The following VTI1A variants were observed in gnomAD, a reference collection of about 807,000 sequenced individuals.
VTI1A encodes the protein vesicle transport through interaction with t-SNAREs 1A.
Under a neutral mutation model 34.9 loss-of-function variants are expected in VTI1A, and 22 were observed. The observed-to-expected ratio is 0.63, with a 90% confidence interval of 0.45 to 0.90. The LOEUF (loss-of-function observed/expected upper bound fraction) is 0.90. Ranked by LOEUF, VTI1A falls within the 40% of genes least tolerant of loss-of-function variation. VTI1A has a pLI of 0.00. For synonymous variants in VTI1A, 87 were observed against 97.3 expected, an observed-to-expected ratio of 0.89 and a Z score of 0.62; for missense variants, 268 against 275.6, an observed-to-expected ratio of 0.97 and a Z score of 0.20.
intron 5 of VTI1A, among the ~76,000 whole-genome samples, chr10:112,667,120 TAC>T (rs1249466078): frequency 6.6e-6 from 1 of 152,124 alleles, no homozygotes; most frequent in Non-Finnish European, 1.5e-5. Context: ...GCCAAATAAC[TAC>T]CATGGTGACT....
intron 5 of VTI1A, among the ~76,000 whole-genome samples, chr10:112,550,504 G>T (rs1207941782): frequency 6.6e-6 from 1 of 152,088 alleles, no homozygotes. Flanking sequence ...TTTAAAAATG[G>T]CTTTTTTGTG....
chr10:112,516,959 A>G (rs560056004), intron 3 of VTI1A, among the ~76,000 whole-genome samples: 3 of 152,158 alleles, frequency 2.0e-5, no homozygotes, highest in South Asian at 2.1e-4. Flanking sequence ...AAGGTACTCA[A>G]TAGGAATTGG....
At position 112,697,177 on chromosome 10, in the gene VTI1A, T is replaced by C. The variant is rs114415466; in HGVS notation, c.560+28179T>C. Reference sequence around the variant, plus strand: ...GAATTGAAACACAAACTTGCAGATCTTTTGCTTTTCTTCTGTTCTTTTTTT... The same window carrying C: ...GAATTGAAACACAAACTTGCAGATCCTTTGCTTTTCTTCTGTTCTTTTTTT... On this transcript the variant is annotated intron_variant, in intron 7 of 7. Coordinates refer to ENST00000393077, the MANE Select transcript of VTI1A (RefSeq NM_145206.4). 1.4e-3 allele frequency among the ~76,000 whole-genome samples: 208 copies of C among 151,904 alleles called. 1 individual carries two copies. The highest frequency in any genetic ancestry group is 4.6e-3 in the African/African-American group (191 of 41,476).
At chr10:112,463,633 A>G (rs1346900959) in intron 2 of VTI1A, among the ~76,000 whole-genome samples, 1 of 152,216 alleles carries the variant, frequency 6.6e-6, no homozygotes, top group Non-Finnish European at 1.5e-5. Context: ...TTGTTAAAAA[A>G]AAAAAAAGCG....
At chr10:112,573,259 G>A (rs772508958) in intron 5 of VTI1A, among the ~76,000 whole-genome samples, 12 of 152,074 alleles carry the variant, frequency 7.9e-5, no homozygotes, top group Admixed American at 2.6e-4. Flanking sequence ...ACCTGTCCTT[G>A]TATGCTATCT....
At chr10:112,695,453 T>C (rs1180359376) in intron 7 of VTI1A, among the ~76,000 whole-genome samples, 1 of 152,182 alleles carries the variant, frequency 6.6e-6, no homozygotes, top group African/African-American at 2.4e-5. Flanking sequence ...TTCCCATAAT[T>C]GCTGAGGTTA....
chr10:112,561,045 T>C (rs1851707933), intron 5 of VTI1A, among the ~76,000 whole-genome samples: 1 of 152,222 alleles, frequency 6.6e-6, no homozygotes, highest in Non-Finnish European at 1.5e-5. Flanking sequence ...TTGAAATTCT[T>C]AATACATTCA....
chr10:112,594,820 C>G (rs1844555389), intron 5 of VTI1A, among the ~76,000 whole-genome samples: 1 of 151,882 alleles, frequency 6.6e-6, no homozygotes, highest in South Asian at 2.1e-4. Flanking sequence ...CTTTAAAGTT[C>G]ATATGGAACC....
chr10:112,574,023 A>G (rs1852238431), intron 5 of VTI1A, among the ~76,000 whole-genome samples: 1 of 152,210 alleles, frequency 6.6e-6, no homozygotes, highest in African/African-American at 2.4e-5. Flanking sequence ...ATAGATCTCT[A>G]CATGTTTGTA....
At chr10:112,523,485 C>G (rs1345175819) in intron 3 of VTI1A, among the ~76,000 whole-genome samples, 1 of 152,028 alleles carries the variant, frequency 6.6e-6, no homozygotes, top group Non-Finnish European at 1.5e-5. Flanking sequence ...ACCATGTAGT[C>G]TACCAAAGTA....
chr10:112,671,128 A>G (rs895968564), intron 7 of VTI1A, among the ~76,000 whole-genome samples: 1 of 152,198 alleles, frequency 6.6e-6, no homozygotes, highest in African/African-American at 2.4e-5. Flanking sequence ...AGCTCTCTCT[A>G]GAGAAGTAGA....
At chr10:112,722,419 T>G (rs1247236850) in intron 7 of VTI1A, among the ~76,000 whole-genome samples, 1 of 151,828 alleles carries the variant, frequency 6.6e-6, no homozygotes, top group Non-Finnish European at 1.5e-5. Flanking sequence ...AAATGACGAG[T>G]TAATGGGTGC....
the VTI1A span, chr10:112,826,207 G>T: frequency 6.6e-6 from 1 of 152,144 alleles, no homozygotes; most frequent in Non-Finnish European, 1.5e-5. Flanking sequence ...TCACGGGCAC[G>T]TTAGGAACAT....
At chr10:112,844,695 G>A in the VTI1A span, among the ~76,000 whole-genome samples, 6 of 152,158 alleles carry the variant, frequency 3.9e-5, no homozygotes, top group Non-Finnish European at 7.4e-5. Flanking sequence ...CACCACGCCT[G>A]GCGTGTAATC....
intron 7 of VTI1A, among the ~76,000 whole-genome samples, chr10:112,722,641 C>T (rs1406833325): frequency 3.3e-5 from 5 of 152,114 alleles, no homozygotes; most frequent in Non-Finnish European, 5.9e-5. Flanking sequence ...TTGCAAAGTG[C>T]TTCAGAGGTC....
Position 112,767,947 on chromosome 10 carries a change from G to A in VTI1A, c.561-47343G>A, listed in dbSNP as rs1355837973. Among the ~76,000 whole-genome samples the A allele has an allele frequency of 6.6e-6, 1 of 152,070 alleles. No homozygotes were observed. The highest frequency in any genetic ancestry group is 1.5e-5 in the Non-Finnish European group (1 of 68,004). On this transcript the variant is annotated intron_variant, in intron 7 of 7. Transcript: ENST00000393077. This position sits in a 1 kb window ranked among gnomAD's most constrained non-coding sequence, Gnocchi z 4.0. ...CAGAGGCACTAGTGTCACAGAAGCC[G>A]GACACGTATTACTTCCCCCTTGGAT... is the stretch of plus-strand genomic sequence containing the variant.
At position 112,447,571 on chromosome 10, in the gene VTI1A, G is replaced by A. The variant is rs1030146807; in HGVS notation, c.94+104G>A. On this transcript the variant is annotated intron_variant, in intron 1 of 7. Coordinates refer to ENST00000393077, the MANE Select transcript of VTI1A (RefSeq NM_145206.4). ...TGTGTCTATGAGGCGCGAGGCTGGA[G>A]TGGGTGGTGCCGGCTGTTCCCAGGA... is the stretch of plus-strand genomic sequence containing the variant. The A allele has an allele frequency of 3.1e-5, 41 of 1,327,788 alleles. 1 individual carries two copies. Among genetic ancestry groups the A allele is most frequent in the Admixed American group, 9.9e-5 (5 of 50,488 alleles). 82.3% of individuals were successfully genotyped at this position (1,327,788 alleles called of 1,614,324 possible).
At chr10:112,771,209 G>T (rs937902354) in intron 7 of VTI1A, among the ~76,000 whole-genome samples, 4 of 152,234 alleles carry the variant, frequency 2.6e-5, no homozygotes, top group African/African-American at 9.6e-5. Context: ...ATCTTTAAGT[G>T]GAGAGATAAA....
the VTI1A span, among the ~76,000 whole-genome samples, chr10:112,847,889 A>G: frequency 6.6e-6 from 1 of 152,228 alleles, no homozygotes; most frequent in African/African-American, 2.4e-5. Flanking sequence ...CTGAAGAAAC[A>G]TATCTCCTAT....
Sources: gnomAD v4.1 joint callset for allele counts (sites outside exome capture counted in the v4.1 genomes callset) on GRCh38, gnomAD v4.1.1 for gene constraint, Gnocchi (gnomAD v3.1) non-coding constraint, MANE v1.5 for transcripts, NCBI Gene and HGNC (gene_info 2026-07-23, HGNC 2026-07-21) for gene names.